COP1: variants seen among roughly 807,000 people sequenced by gnomAD.
The protein encoded by COP1 is COP1 E3 ubiquitin ligase, also known as E3 ubiquitin-protein ligase COP1.
In COP1, 24 loss-of-function variants were observed where a neutral mutation model predicts 101.3. The observed-to-expected ratio is 0.24, with a 90% CI of 0.17 to 0.33. The LOEUF (loss-of-function observed/expected upper bound fraction) is 0.33, where lower values mean the gene tolerates loss of function less well. Ranked by LOEUF, COP1 falls within the 10% of genes least tolerant of loss-of-function variation. The probability of loss-of-function intolerance (pLI) is 1.00; values close to 1 mark genes in which losing one functional copy is unlikely to be tolerated. For synonymous variants in COP1, 347 were observed against 341.9 expected, an observed-to-expected ratio of 1.01 and a Z score of -0.17; for missense variants, 663 against 906.2, an observed-to-expected ratio of 0.73 and a Z score of 3.45.
At chr1:176,204,187 G>C (rs930644975) in intron 1 of COP1, among the ~76,000 whole-genome samples, 1 of 152,140 alleles carries the variant, frequency 6.6e-6, no homozygotes, top group South Asian at 2.1e-4. Context: ...CCTGTCCAAC[G>C]ACAAACAAAA....
At chr1:176,146,498 T>C (rs754868423) in intron 6 of COP1, among the ~76,000 whole-genome samples, 2 of 152,250 alleles carry the variant, frequency 1.3e-5, no homozygotes, top group African/African-American at 2.4e-5. Context: ...ATATCCTCTC[T>C]TGCTTTCTTA....
At chr1:176,110,080 CCTGT>C (rs1046103671) in intron 9 of COP1, among the ~76,000 whole-genome samples, 11 of 152,222 alleles carry the variant, frequency 7.2e-5, no homozygotes, top group South Asian at 4.1e-4. Context: ...TTCTAGACTG[CCTGT>C]CTGTCTCTAT....
intron 11 of COP1, among the ~76,000 whole-genome samples, chr1:176,046,834 C>T (rs1236855207): frequency 1.3e-5 from 2 of 151,984 alleles, no homozygotes. Context: ...ATACATATAA[C>T]AGAACCACTG....
chr1:176,075,284 G>C (rs1277157685), intron 11 of COP1, among the ~76,000 whole-genome samples: 1 of 152,122 alleles, frequency 6.6e-6, no homozygotes, highest in East Asian at 1.9e-4. Context: ...TTAAACAGCT[G>C]ACAGAATACA....
intron 11 of COP1, among the ~76,000 whole-genome samples, chr1:176,059,238 A>G (rs1014630676): frequency 6.6e-6 from 1 of 152,214 alleles, no homozygotes; most frequent in African/African-American, 2.4e-5. Flanking sequence ...TTCTGTATGA[A>G]ACTTGTTCAC....
chr1:176,057,341 G>A (rs114367889), intron 11 of COP1, among the ~76,000 whole-genome samples: 2,167 of 151,946 alleles, frequency 0.014, 56 homozygotes, highest in African/African-American at 0.05. Flanking sequence ...CTCTCCCCAC[G>A]GATTCCCTCT....
chr1:176,041,718 C>A (rs537462387), intron 14 of COP1, among the ~76,000 whole-genome samples: 2 of 152,170 alleles, frequency 1.3e-5, no homozygotes. Flanking sequence ...GTAATTCCAG[C>A]ACTTTGGGAA....
intron 14 of COP1, among the ~76,000 whole-genome samples, chr1:176,032,897 G>A (rs1668864921): frequency 6.6e-6 from 1 of 152,014 alleles, no homozygotes; most frequent in Non-Finnish European, 1.5e-5. Context: ...TTAAATTCAG[G>A]AGAGAATATA....
At chr1:176,128,849 C>T (rs1572409409) in intron 8 of COP1, among the ~76,000 whole-genome samples, 2 of 151,726 alleles carry the variant, frequency 1.3e-5, no homozygotes, top group East Asian at 3.9e-4. Context: ...AGAACTTAAG[C>T]ATTAACATGA....
chr1:176,121,445 C>G (rs1687103148), intron 8 of COP1, among the ~76,000 whole-genome samples: 1 of 152,114 alleles, frequency 6.6e-6, no homozygotes, highest in Non-Finnish European at 1.5e-5. Context: ...ACAACAATAA[C>G]AGCAGCAGCT....
intron 11 of COP1, among the ~76,000 whole-genome samples, chr1:176,048,322 C>T (rs1303584525): frequency 6.6e-6 from 1 of 150,694 alleles, no homozygotes; most frequent in African/African-American, 2.4e-5. Flanking sequence ...TTTCAGGCGT[C>T]AGACATGGTG....
chr1:176,095,762 A>G (rs1453786860), intron 9 of COP1, among the ~76,000 whole-genome samples: 2 of 152,224 alleles, frequency 1.3e-5, no homozygotes, highest in African/African-American at 2.4e-5. Flanking sequence ...AAAGATCAGT[A>G]TAAGACTGCT....
rs143285872 is a variant in COP1 at position 176,094,207 on chromosome 1, T to G, written c.1027-8317A>C. Among the ~76,000 whole-genome samples, 397 of 152,268 alleles carry G rather than the reference T, an allele frequency of 2.6e-3. 3 individuals carry two copies. Among genetic ancestry groups the G allele is most frequent in the African/African-American group, 9.1e-3 (379 of 41,562 alleles). On this transcript the variant is annotated intron_variant, in intron 9 of 19. Coordinates refer to ENST00000367669, the MANE Select transcript of COP1 (RefSeq NM_022457.7). ...CAGTTTTTATAGTAAACTCATTTTC[T>G]CAATTATTTTCCTGTATTTATTCTT...
intron 9 of COP1, among the ~76,000 whole-genome samples, chr1:176,086,523 G>A (rs976291855): frequency 1.3e-5 from 2 of 152,240 alleles, no homozygotes; most frequent in African/African-American, 4.8e-5. Context: ...ACTGCGCCTG[G>A]CCTGATTTTG....
chr1:175,992,045 T>C (rs998035321), intron 15 of COP1, among the ~76,000 whole-genome samples: 1 of 152,250 alleles, frequency 6.6e-6, no homozygotes, highest in African/African-American at 2.4e-5. Context: ...TTGTGTAGTA[T>C]ACGTAATCGT....
chr1:175,998,063 T>TAA (rs57110017), intron 15 of COP1, among the ~76,000 whole-genome samples: 3 of 66,802 alleles, frequency 4.5e-5, no homozygotes, highest in African/African-American at 7.9e-5. Context: ...AGAGTATAAT[T>TAA]AAAAAAAAAA....
intron 5 of COP1, among the ~76,000 whole-genome samples, chr1:176,149,895 T>C (rs1041885075): frequency 6.6e-6 from 1 of 152,104 alleles, no homozygotes; most frequent in African/African-American, 2.4e-5. Context: ...TTTTCTTATA[T>C]ACTTGAAAGG....
At chr1:176,030,330 C>G (rs1481992993) in intron 14 of COP1, among the ~76,000 whole-genome samples, 2 of 152,076 alleles carry the variant, frequency 1.3e-5, no homozygotes, top group African/African-American at 4.8e-5. Context: ...ATTAAGTGGA[C>G]TTTGACTGGA....
rs771318701 is a variant in COP1, at chr1:176,116,696, G to GA, written c.969-16dup. On this transcript the variant is annotated splice_polypyrimidine_tract_variant and intron_variant, in intron 8 of 19. Coordinates refer to ENST00000367669, the MANE Select transcript of COP1 (RefSeq NM_022457.7). ...CAATAATACTACTGCAAAATGAAGA[G>GA]AAAAAAATGTGATTTCAGTATTTAC... 2.9e-5 allele frequency: 46 copies of GA among 1,575,166 alleles called. No individual in the cohort carries two copies. Among genetic ancestry groups the GA allele is most frequent in the Admixed American group, 8.9e-5 (5 of 56,434 alleles).
Sources: allele counts gnomAD v4.1 joint callset (sites outside exome capture counted in the v4.1 genomes callset), GRCh38; gene constraint gnomAD v4.1.1; transcripts MANE v1.5; gene names NCBI Gene and HGNC (gene_info 2026-07-23, HGNC 2026-07-21).